ZFAND3: variants seen among roughly 807,000 people sequenced by gnomAD.
The protein encoded by ZFAND3 is zinc finger AN1-type containing 3.
In ZFAND3, 10 loss-of-function variants were observed where a neutral mutation model predicts 29.6. The ratio of observed to expected loss-of-function variants is 0.34; its 90% CI spans 0.21 to 0.57. The LOEUF (loss-of-function observed/expected upper bound fraction) is 0.57, where lower values mean the gene tolerates loss of function less well. ZFAND3 is among the 20% of genes least tolerant of loss of function. The pLI is 0.86. For synonymous variants in ZFAND3, 128 were observed against 112.6 expected (o/e 1.14, Z -0.87); for missense variants, 230 against 304.5 (o/e 0.76, Z 1.82).
intron 1 of ZFAND3, among the ~76,000 whole-genome samples, chr6:37,868,661 A>G (rs1764634275): frequency 6.6e-6 from 1 of 152,220 alleles, no homozygotes; most frequent in East Asian, 1.9e-4. Flanking sequence ...CTCCTGCAGT[A>G]TTATGGTGTG....
rs758971149 is a variant in ZFAND3, at chr6:38,072,139, TCTCTC to T, written c.296-10252_296-10248del. Among the ~76,000 whole-genome samples the T allele has an allele frequency of 0.013, 1,041 of 78,284 alleles. 28 individuals are homozygous for T. In the East Asian group the frequency reaches 0.3, roughly 23 times the overall value. The allele number at this position is 78,284 out of a possible 152,430, so 51.4% of individuals were successfully genotyped here. A position where few individuals can be genotyped will look rare whatever the true frequency, so the allele number is the denominator to read the frequency against. ...AATAATGAGAGTCATTTTCTGTTTC[TCTCTC>T]TCTCTCTCTCTCTCTCTGTCTCTGT... On this transcript the variant is annotated intron_variant, in intron 3 of 5. Coordinates refer to ENST00000287218, the MANE Select transcript of ZFAND3 (RefSeq NM_021943.3).
intron 2 of ZFAND3, among the ~76,000 whole-genome samples, chr6:37,950,903 A>G (rs34449592): frequency 0.08 from 12,225 of 152,266 alleles, 582 homozygotes; most frequent in African/African-American, 0.14. Context: ...TAATTCTATG[A>G]AAAATGTCTT....
chr6:37,958,198 A>G (rs1442225136), intron 2 of ZFAND3, among the ~76,000 whole-genome samples: 1 of 152,234 alleles, frequency 6.6e-6, no homozygotes, highest in Non-Finnish European at 1.5e-5. Context: ...TCACGCCTGT[A>G]ATGCCAGCAC....
chr6:37,975,264 C>T (rs1326205182), intron 2 of ZFAND3, among the ~76,000 whole-genome samples: 3 of 152,114 alleles, frequency 2.0e-5, no homozygotes, highest in Non-Finnish European at 4.4e-5. Flanking sequence ...AGCTTATTGC[C>T]ATCCATGTAT....
chr6:37,916,920 C>T (rs1477890858), intron 1 of ZFAND3, among the ~76,000 whole-genome samples: 5 of 152,188 alleles, frequency 3.3e-5, no homozygotes, highest in African/African-American at 1.2e-4. Flanking sequence ...ACACTACCTG[C>T]CTGTTAGTAG....
intron 2 of ZFAND3, among the ~76,000 whole-genome samples, chr6:38,014,052 C>T (rs1331191593): frequency 2.6e-5 from 4 of 151,988 alleles, no homozygotes; most frequent in Non-Finnish European, 5.9e-5. Flanking sequence ...GGTATTTGTC[C>T]AACTTACTCT....
intron 2 of ZFAND3, 74 bp from the exon 3 acceptor site, chr6:38,061,519 A>T: frequency 6.4e-7 from 1 of 1,554,960 alleles, no homozygotes; most frequent in Middle Eastern, 1.7e-4. Context: ...TAATTTTTGT[A>T]CCAACTTCCA....
chr6:37,934,854 A>G (rs1761669253), intron 2 of ZFAND3, among the ~76,000 whole-genome samples: 1 of 149,842 alleles, frequency 6.7e-6, no homozygotes, highest in Non-Finnish European at 1.5e-5. Context: ...AAAAAAAAAA[A>G]AAAAAAAAAA....
chr6:38,052,460 GA>G (rs1319451431), intron 2 of ZFAND3, among the ~76,000 whole-genome samples: 1 of 152,118 alleles, frequency 6.6e-6, no homozygotes, highest in Non-Finnish European at 1.5e-5. Context: ...TTGTCTGTAA[GA>G]GAATTAATAT....
intron 1 of ZFAND3, among the ~76,000 whole-genome samples, chr6:37,913,059 A>T (rs989921941): frequency 3.9e-5 from 6 of 152,236 alleles, no homozygotes; most frequent in African/African-American, 1.4e-4. Flanking sequence ...CAATCATCCA[A>T]ACCTTCAGTG....
At chr6:37,994,147 T>A (rs1762809408) in intron 2 of ZFAND3, among the ~76,000 whole-genome samples, 1 of 152,114 alleles carries the variant, frequency 6.6e-6, no homozygotes, top group Admixed American at 6.5e-5. Flanking sequence ...TTTTGGCTTC[T>A]GTTACAAAAA....
intron 2 of ZFAND3, among the ~76,000 whole-genome samples, chr6:37,976,766 A>G (rs931908992): frequency 1.3e-5 from 2 of 152,208 alleles, no homozygotes; most frequent in African/African-American, 4.8e-5. Flanking sequence ...AGGAAGGGCC[A>G]CACTTTAACA....
chr6:38,086,055 C>T (rs1424625754), intron 4 of ZFAND3, among the ~76,000 whole-genome samples: 1 of 152,058 alleles, frequency 6.6e-6, no homozygotes, highest in African/African-American at 2.4e-5. Flanking sequence ...TGGTCTACAA[C>T]TATCAAAATG....
intron 2 of ZFAND3, among the ~76,000 whole-genome samples, chr6:38,004,633 A>G (rs1050550192): frequency 1.3e-5 from 2 of 152,074 alleles, no homozygotes; most frequent in East Asian, 1.9e-4. Context: ...CTTTGATCCT[A>G]TATTTTCTAA....
intron 1 of ZFAND3, among the ~76,000 whole-genome samples, chr6:37,880,317 A>G (rs561502107): frequency 2.2e-4 from 34 of 152,330 alleles, no homozygotes; most frequent in African/African-American, 6.3e-4. Context: ...TGTTGCAGCA[A>G]TTCTTTTTGA....
chr6:37,989,133 C>T (rs767307008), intron 2 of ZFAND3, among the ~76,000 whole-genome samples: 1 of 152,164 alleles, frequency 6.6e-6, no homozygotes, highest in Non-Finnish European at 1.5e-5. Context: ...GCCTCAAACT[C>T]CTGACCTAAG....
chr6:37,871,207 A>G (rs1481187555), intron 1 of ZFAND3, among the ~76,000 whole-genome samples: 1 of 152,172 alleles, frequency 6.6e-6, no homozygotes, highest in African/African-American at 2.4e-5. Flanking sequence ...ATTGAATAGT[A>G]TCTATTCTAA....
At chr6:38,082,878 C>T (rs552102532) in intron 4 of ZFAND3, among the ~76,000 whole-genome samples, 3 of 152,110 alleles carry the variant, frequency 2.0e-5, no homozygotes, top group Non-Finnish European at 2.9e-5. Context: ...TTCTGTCATT[C>T]GATTTAAAGC....
intron 2 of ZFAND3, among the ~76,000 whole-genome samples, chr6:38,021,686 CT>C (rs1384663703): frequency 6.6e-6 from 1 of 152,178 alleles, no homozygotes; most frequent in Non-Finnish European, 1.5e-5. Flanking sequence ...AGAGTTAATA[CT>C]TTTCCTCTTC....
Sources: allele counts gnomAD v4.1 joint callset (sites outside exome capture counted in the v4.1 genomes callset), GRCh38; gene constraint gnomAD v4.1.1; transcripts MANE v1.5; gene names NCBI Gene and HGNC (gene_info 2026-07-23, HGNC 2026-07-21).